Variants in PARD3B observed in about 807,000 individuals in gnomAD.
PARD3B encodes the protein partitioning defective 3 homolog B.
A neutral mutation model predicts 130.2 loss-of-function variants in PARD3B; 103 were observed. The ratio of observed to expected loss-of-function variants is 0.79; its 90% CI spans 0.67 to 0.93. The LOEUF (loss-of-function observed/expected upper bound fraction) is 0.93, where lower values mean the gene tolerates loss of function less well. Among genes scored for constraint, PARD3B ranks in the 40% least tolerant of loss-of-function variants. The probability of loss-of-function intolerance (pLI) is 0.00; values close to 1 mark genes in which losing one functional copy is unlikely to be tolerated. For missense variants in PARD3B, 1,609 were observed against 1,499.2 expected (o/e 1.07, Z -1.21); for synonymous variants, 583 against 553.2 (o/e 1.05, Z -0.76).
intron 1 of PARD3B, among the ~76,000 whole-genome samples, chr2:204,615,667 T>C (rs1280519435): frequency 6.6e-6 from 1 of 152,172 alleles, no homozygotes; most frequent in Non-Finnish European, 1.5e-5. Context: ...GTTTACTTTT[T>C]AGACAGCGTC....
chr2:204,601,858 T>C (rs2033528465), intron 1 of PARD3B, among the ~76,000 whole-genome samples: 1 of 152,068 alleles, frequency 6.6e-6, no homozygotes, highest in Non-Finnish European at 1.5e-5. Flanking sequence ...TAAGGAATTC[T>C]AGGCATTTAT....
At chr2:205,039,966 GTGTT>G (rs1205529387) in intron 3 of PARD3B, among the ~76,000 whole-genome samples, 1 of 151,688 alleles carries the variant, frequency 6.6e-6, no homozygotes, top group Non-Finnish European at 1.5e-5. Context: ...TTTGTTTGTT[GTGTT>G]TGTTTGTTTT....
At chr2:204,580,321 C>T (rs1367762530) in intron 1 of PARD3B, among the ~76,000 whole-genome samples, 1 of 152,056 alleles carries the variant, frequency 6.6e-6, no homozygotes, top group Non-Finnish European at 1.5e-5. Flanking sequence ...TTTTTTCCCT[C>T]TTATCCAGAG....
chr2:204,824,415 C>T (rs1430703817), intron 2 of PARD3B, among the ~76,000 whole-genome samples: 1 of 152,128 alleles, frequency 6.6e-6, no homozygotes, highest in Non-Finnish European at 1.5e-5. Context: ...GGAACACTTG[C>T]ATCTTCTTGC....
At position 204,633,149 on chromosome 2, in the gene PARD3B, A is replaced by G. The variant is rs184467735; in HGVS notation, c.121-53032A>G. Reference sequence around the variant, plus strand: ...AGTTCTATTTTGAATTTTTTTAGGAAGCTTTATACTACTTAGCTTGGGGAA... The same window carrying G: ...AGTTCTATTTTGAATTTTTTTAGGAGGCTTTATACTACTTAGCTTGGGGAA... On this transcript the variant is annotated intron_variant, in intron 1 of 22. Transcript: ENST00000406610. Among the ~76,000 whole-genome samples, 473 of 152,312 alleles carry G rather than the reference A, an allele frequency of 3.1e-3. 2 individuals are homozygous for G. Among genetic ancestry groups the G allele is most frequent in the African/African-American group, 0.01 (423 of 41,568 alleles).
intron 1 of PARD3B, among the ~76,000 whole-genome samples, chr2:204,681,848 T>C (rs1404248678): frequency 1.3e-5 from 2 of 152,228 alleles, no homozygotes; most frequent in Non-Finnish European, 2.9e-5. Context: ...TTAAGTGTTA[T>C]GTGCAAGTAC....
intron 18 of PARD3B, among the ~76,000 whole-genome samples, chr2:205,312,264 A>G (rs942783480): frequency 6.6e-6 from 1 of 152,202 alleles, no homozygotes; most frequent in African/African-American, 2.4e-5. Flanking sequence ...TGAAATTTTA[A>G]CACTCATTTC....
Position 205,301,510 on chromosome 2 carries a change from T to C in PARD3B, c.2439T>C (p.Asn813=). Residue 813 remains asparagine (N), a synonymous_variant, in exon 18 of 23, where the codon AAT becomes AAC. Transcript: ENST00000406610. The surrounding 1 kb of genome is among the most constrained non-coding windows in gnomAD (Gnocchi z 5.2). ...CTCACTCTGGCCAAGGAGCTCTGAA[T>C]TGTGAGTCTGCCCCTCAGGGGAATT... is the stretch of plus-strand genomic sequence containing the variant. The part of the protein sequence containing the change: ...KSSHSGQGAL[N]CESAPQGNSE... 1.2e-6 allele frequency: 2 copies of C among 1,613,974 alleles called. No homozygotes were observed. Among genetic ancestry groups the C allele is most frequent in the South Asian group, 1.1e-5 (1 of 91,068 alleles).
intron 4 of PARD3B, among the ~76,000 whole-genome samples, chr2:205,055,064 C>T (rs552915119): frequency 1.3e-5 from 2 of 152,202 alleles, no homozygotes; most frequent in East Asian, 1.9e-4. Flanking sequence ...CCAGTGTATT[C>T]GTTTTTGTAT....
chr2:204,551,919 A>G (rs990755355), intron 1 of PARD3B, among the ~76,000 whole-genome samples: 1 of 152,218 alleles, frequency 6.6e-6, no homozygotes, highest in Non-Finnish European at 1.5e-5. Context: ...AGTGTAGTGC[A>G]GTAGAACTTT....
intron 3 of PARD3B, among the ~76,000 whole-genome samples, chr2:205,040,925 T>A (rs1200123892): frequency 6.6e-6 from 1 of 152,156 alleles, no homozygotes; most frequent in Non-Finnish European, 1.5e-5. Flanking sequence ...AGGAGTCTCT[T>A]TGCACATAAA....
chr2:204,739,927 T>C (rs1484038505), intron 2 of PARD3B, among the ~76,000 whole-genome samples: 2 of 152,048 alleles, frequency 1.3e-5, no homozygotes, highest in African/African-American at 4.8e-5. Flanking sequence ...TTAAAAGAAA[T>C]ATACAATGCC....
chr2:204,871,815 T>G (rs1272149510), intron 2 of PARD3B, among the ~76,000 whole-genome samples: 1 of 152,144 alleles, frequency 6.6e-6, no homozygotes, highest in Admixed American at 6.6e-5. Flanking sequence ...CTTTTGTAAA[T>G]GTATACAAGG....
intron 1 of PARD3B, among the ~76,000 whole-genome samples, chr2:204,565,794 A>T (rs1474526117): frequency 6.6e-6 from 1 of 152,152 alleles, no homozygotes; most frequent in Non-Finnish European, 1.5e-5. Context: ...CACCATAAAA[A>T]AACCAGTTAG....
intron 11 of PARD3B, among the ~76,000 whole-genome samples, chr2:205,167,368 AT>A (rs879899672): frequency 2.7e-4 from 40 of 150,658 alleles, no homozygotes; most frequent in Middle Eastern, 3.5e-3. Context: ...TGGTGTAAAT[AT>A]TTTTTTTTTC....
chr2:205,497,313 C>A (rs2049966483), intron 20 of PARD3B, among the ~76,000 whole-genome samples: 1 of 151,924 alleles, frequency 6.6e-6, no homozygotes. Flanking sequence ...AGCCCAGAAC[C>A]CTGTGCGAAC....
At chr2:204,938,838 G>A (rs534870625) in intron 2 of PARD3B, among the ~76,000 whole-genome samples, 37 of 152,204 alleles carry the variant, frequency 2.4e-4, no homozygotes, top group Non-Finnish European at 4.4e-5. Context: ...GTGTATACCC[G>A]TAGCCCAGTG....
rs575657186 is a variant in PARD3B at position 205,385,882 on chromosome 2, T to C, written c.2631-15131T>C. Among the ~76,000 whole-genome samples, 8 of 152,278 alleles carry C rather than the reference T, an allele frequency of 5.3e-5. No homozygotes were observed. The South Asian group carries it at 1.7e-3, about 32-fold the overall frequency. On this transcript the variant is annotated intron_variant, in intron 18 of 22. Transcript: ENST00000406610. ...GATCCCACAGCCTGAATTTGACCCA[T>C]GTAGACCTTATTTGGAAGCCACAGA...
intron 16 of PARD3B, among the ~76,000 whole-genome samples, chr2:205,247,277 A>C (rs760546855): frequency 3.3e-5 from 5 of 152,212 alleles, no homozygotes; most frequent in Non-Finnish European, 7.3e-5. Context: ...GGCAATTAAA[A>C]GTTTGTCACT....
Sources: gnomAD v4.1 joint callset for allele counts (sites outside exome capture counted in the v4.1 genomes callset) on GRCh38, gnomAD v4.1.1 for gene constraint, Gnocchi (gnomAD v3.1) non-coding constraint, MANE v1.5 for transcripts, NCBI Gene and HGNC (gene_info 2026-07-23, HGNC 2026-07-21) for gene names.